The following BLOC1S5 variants were observed in gnomAD, a reference collection of about 807,000 sequenced individuals.
BLOC1S5 encodes the protein biogenesis of lysosomal organelles complex 1 subunit 5, also known as biogenesis of lysosome-related organelles complex 1 subunit 5.
In BLOC1S5, 27 loss-of-function variants were observed where a neutral mutation model predicts 24.3. That is an observed-to-expected ratio of 1.11 (90% confidence interval 0.82 to 1.53). The LOEUF is 1.53. BLOC1S5 is among the 40% of genes most tolerant of loss of function. BLOC1S5 has a pLI of 0.00. For synonymous variants in BLOC1S5, 84 were observed against 74.5 expected (o/e 1.13, Z -0.66); for missense variants, 239 against 229.4 (o/e 1.04, Z -0.27).
At chr6:8,028,654 T>C (rs905124317) in intron 3 of BLOC1S5, among the ~76,000 whole-genome samples, 8 of 151,200 alleles carry the variant, frequency 5.3e-5, no homozygotes, top group African/African-American at 2.0e-4. Context: ...TGCACTTTTG[T>C]TCCTCATCAG....
At chr6:8,031,084 A>G (rs2113538931) in intron 3 of BLOC1S5, among the ~76,000 whole-genome samples, 1 of 152,254 alleles carries the variant, frequency 6.6e-6, no homozygotes, top group East Asian at 1.9e-4. Flanking sequence ...AAGAATACCT[A>G]CTTTCACCAT....
chr6:8,057,303 C>T (rs1764349082), intron 2 of BLOC1S5, among the ~76,000 whole-genome samples: 1 of 152,208 alleles, frequency 6.6e-6, no homozygotes, highest in East Asian at 1.9e-4. Context: ...GTTAGAAAGT[C>T]TCTTCCCTTA....
At chr6:8,034,956 T>TACAC (rs367754967) in intron 3 of BLOC1S5, among the ~76,000 whole-genome samples, 1 of 150,250 alleles carries the variant, frequency 6.7e-6, no homozygotes. Flanking sequence ...CACATATGCA[T>TACAC]ACACACACAC....
At position 8,034,028 on chromosome 6, in the gene BLOC1S5, G is replaced by A. The variant is rs1035160774; in HGVS notation, c.325+7111C>T. On this transcript the variant is annotated intron_variant, in intron 3 of 4. Coordinates refer to ENST00000397457, the MANE Select transcript of BLOC1S5 (RefSeq NM_201280.3). ...AAACAGGATCGCTTTTACACTGTTC[G>A]TGGGAGTGTAAATTGGTTCAACCAT... Among the ~76,000 whole-genome samples, 10 of 152,222 alleles carry A rather than the reference G, an allele frequency of 6.6e-5. 1 individual carries two copies. Among genetic ancestry groups the A allele is most frequent in the Admixed American group, 5.2e-4 (8 of 15,286 alleles).
chr6:8,055,946 G>A (rs975702999), intron 2 of BLOC1S5, among the ~76,000 whole-genome samples: 9 of 152,140 alleles, frequency 5.9e-5, no homozygotes, highest in Admixed American at 5.9e-4. Context: ...TGGGCCTAAC[G>A]AGAGGTGATT....
intron 3 of BLOC1S5, among the ~76,000 whole-genome samples, chr6:8,040,913 C>T (rs1043745465): frequency 6.6e-6 from 1 of 152,006 alleles, no homozygotes; most frequent in Non-Finnish European, 1.5e-5. Flanking sequence ...TTCTCACATA[C>T]TAAACAGATT....
intron 2 of BLOC1S5, among the ~76,000 whole-genome samples, chr6:8,053,338 T>G (rs1383565392): frequency 6.6e-6 from 1 of 152,162 alleles, no homozygotes; most frequent in African/African-American, 2.4e-5. Context: ...TCAATTGATG[T>G]GGGAAACTTC....
intron 2 of BLOC1S5, among the ~76,000 whole-genome samples, chr6:8,044,414 C>A (rs1763804385): frequency 6.6e-6 from 1 of 151,774 alleles, no homozygotes; most frequent in South Asian, 2.1e-4. Flanking sequence ...ATGTCTTTAT[C>A]AGTAGAGTGA....
intron 2 of BLOC1S5, among the ~76,000 whole-genome samples, chr6:8,049,717 CT>C (rs1026280075): frequency 1.8e-3 from 267 of 146,314 alleles, no homozygotes; most frequent in Middle Eastern, 3.6e-3. Flanking sequence ...TATGTATATA[CT>C]TTTTTTTTTT....
intron 3 of BLOC1S5, 108 bp downstream of exon 3, chr6:8,041,031 T>C: frequency 2.3e-6 from 3 of 1,278,676 alleles, no homozygotes; most frequent in South Asian, 1.6e-5. Context: ...TCTCTGTAAC[T>C]GAGCTTCCCT....
Position 8,015,638 on chromosome 6 carries a change from G to A in BLOC1S5, c.*11C>T, listed in dbSNP as rs1762706557. On this transcript the variant is annotated 3_prime_UTR_variant, in exon 5 of 5. Transcript: ENST00000397457. Reference sequence around the variant, plus strand: ...CTTCTCATTAGTTTGTGATTGTTGTGGTTCAAGTTCTTAAAAGGTTGAAAA... The same window carrying A: ...CTTCTCATTAGTTTGTGATTGTTGTAGTTCAAGTTCTTAAAAGGTTGAAAA... The A allele has an allele frequency of 6.2e-7, 1 of 1,607,634 alleles. No individual in the cohort carries two copies. The highest frequency in any genetic ancestry group is 8.5e-7 in the Non-Finnish European group (1 of 1,176,772).
At chr6:8,051,817 T>C (rs1764113782) in intron 2 of BLOC1S5, among the ~76,000 whole-genome samples, 1 of 152,194 alleles carries the variant, frequency 6.6e-6, no homozygotes, top group Non-Finnish European at 1.5e-5. Context: ...GTTTACAGTA[T>C]GGTTTACTGA....
Position 8,029,683 on chromosome 6 carries a change from A to G in BLOC1S5, c.326-3258T>C, listed in dbSNP as rs960169377. ...CGTTCCCCAGGTCCCCTGGGAACAG[A>G]GGCTGCCTAGCCAGCCTTCCCACAC... On this transcript the variant is annotated intron_variant, in intron 3 of 4. Transcript: ENST00000397457. Among the ~76,000 whole-genome samples the G allele has an allele frequency of 2.0e-5, 3 of 152,200 alleles. No homozygotes were observed. In the South Asian group the frequency reaches 6.2e-4, roughly 31 times the overall value.
chr6:8,017,408 CT>C (rs1422808605), intron 4 of BLOC1S5, among the ~76,000 whole-genome samples: 5,940 of 100,860 alleles, frequency 0.059, 365 homozygotes, highest in African/African-American at 0.18. Context: ...ACACACACAC[CT>C]ACAAAGCACC....
In BLOC1S5 at chr6:8,015,772, G is replaced by A. The variant is rs1762711394; in HGVS notation, c.441C>T (p.Asn147=). The A allele has an allele frequency of 6.2e-7, 1 of 1,614,010 alleles. No homozygotes were observed. Among genetic ancestry groups the A allele is most frequent in the Non-Finnish European group, 8.5e-7 (1 of 1,180,030 alleles). ...TTTTGTTGGGTTGCTCCTTCATGAAGTTGTCCCACTGGAGCATATGCTGTT... is the reference window on the plus strand; with the variant it reads ...TTTTGTTGGGTTGCTCCTTCATGAAATTGTCCCACTGGAGCATATGCTGTT... ...SEKQHMLQWD[N]FMKEQPNKRA... Residue 147 remains asparagine (N), a synonymous_variant, in exon 5 of 5, where the codon AAC becomes AAT. Transcript: ENST00000397457.
rs929214315 is a variant in BLOC1S5, at chr6:8,047,225, T to G, written c.196-5957A>C. On this transcript the variant is annotated intron_variant, in intron 2 of 4. Coordinates refer to ENST00000397457, the MANE Select transcript of BLOC1S5 (RefSeq NM_201280.3). ...AGTCAACAGTAATTTTTTTTTTTTT[T>G]GAGACAAGGTCTGGCTCTGTTTTCT... Among the ~76,000 whole-genome samples, 3 of 147,746 alleles carry G rather than the reference T, an allele frequency of 2.0e-5. No individual in the cohort carries two copies. In the East Asian group the frequency reaches 5.9e-4, roughly 29 times the overall value.
chr6:8,031,865 G>A (rs1314837972), intron 3 of BLOC1S5, among the ~76,000 whole-genome samples: 1 of 152,148 alleles, frequency 6.6e-6, no homozygotes, highest in Non-Finnish European at 1.5e-5. Context: ...ACATAAACTA[G>A]AGAAAGGACA....
At position 8,041,167 on chromosome 6, in the gene BLOC1S5, C is replaced by T; in HGVS notation, c.297G>A (p.Arg99=). ...TCTGGAGAACCTGGCTGAGGCTGTCCCGCATTGTGTCTCTACATTTGGGAA... is the reference window on the plus strand; with the variant it reads ...TCTGGAGAACCTGGCTGAGGCTGTCTCGCATTGTGTCTCTACATTTGGGAA... The part of the protein sequence containing the change: ...HTLPKCRDTM[R]DSLSQVLQRL... The change falls in exon 3 of 5, where the codon CGG becomes CGA. Residue 99 remains arginine, a synonymous_variant. Transcript: ENST00000397457. 1 of 1,608,566 alleles carries T rather than the reference C, an allele frequency of 6.2e-7. No individual in the cohort carries two copies. The highest frequency in any genetic ancestry group is 8.5e-7 in the Non-Finnish European group (1 of 1,178,026).
chr6:8,026,399 T>C lies in BLOC1S5; in HGVS notation c.352A>G (p.Arg118Gly). The change falls in exon 4 of 5, where the codon AGA becomes GGA. Residue 118 changes from arginine to glycine, a missense_variant. Transcript: ENST00000397457. ...RLQAANDSVCRLQQREQERKK... is the reference protein window; with the variant it reads ...RLQAANDSVCGLQQREQERKK... ...CGTTCCTGTTCCCTCTGTTGGAGTC[T>C]ACAGACTGAGTCATTAGCTGCTTGC... is the stretch of plus-strand genomic sequence containing the variant. The C allele has an allele frequency of 6.2e-7, 1 of 1,613,568 alleles. No individual in the cohort carries two copies. Among genetic ancestry groups the C allele is most frequent in the Non-Finnish European group, 8.5e-7 (1 of 1,179,724 alleles).
Sources: allele counts gnomAD v4.1 joint callset (sites outside exome capture counted in the v4.1 genomes callset), GRCh38; gene constraint gnomAD v4.1.1; transcripts MANE v1.5; gene names NCBI Gene and HGNC (gene_info 2026-07-23, HGNC 2026-07-21).